The following C16orf96 variants were observed in gnomAD, a reference collection of about 807,000 sequenced individuals.
The protein encoded by C16orf96 is chromosome 16 open reading frame 96.
C16orf96 carries 108 observed loss-of-function variants against 103.6 expected under a neutral mutation model. The ratio of observed to expected loss-of-function variants is 1.04; its 90% CI spans 0.89 to 1.22. The LOEUF is 1.22. Among genes scored for constraint, C16orf96 ranks in the 50% most tolerant of loss-of-function variants. The probability of loss-of-function intolerance (pLI) is 0.00; values close to 1 mark genes in which losing one functional copy is unlikely to be tolerated. For missense variants in C16orf96, 1,586 were observed against 1,464.2 expected (o/e 1.08, Z -1.36); for synonymous variants, 566 against 593.5 (o/e 0.95, Z 0.67).
At chr16:4,548,394 G>T in the C16orf96 span, among the ~76,000 whole-genome samples, 3 of 152,190 alleles carry the variant, frequency 2.0e-5, no homozygotes, top group Non-Finnish European at 4.4e-5. Flanking sequence ...TTTTAGTCCA[G>T]ATTTCACCAT....
In C16orf96 at chr16:4,556,599, T is replaced by C; in HGVS notation, c.110T>C (p.Ile37Thr). The C allele has an allele frequency of 6.4e-7, 1 of 1,551,648 alleles. No homozygotes were observed. The highest frequency in any genetic ancestry group is 8.7e-7 in the Non-Finnish European group (1 of 1,146,992). ...CTGCTGCACGGCATCTTGGAGCACA[T>C]CCACATGGCCGAGCTCAAGAAAGTC... The part of the protein sequence containing the change: ...HLLLHGILEH[I>T]HMAELKKVLS... The change falls in exon 1 of 16, where the codon ATC (isoleucine) becomes ACC (threonine). Residue 37 changes from isoleucine to threonine, a missense_variant. Coordinates refer to ENST00000444310, the MANE Select transcript of C16orf96 (RefSeq NM_001145011.2).
the C16orf96 span, among the ~76,000 whole-genome samples, chr16:4,539,310 C>G: frequency 6.6e-6 from 1 of 152,178 alleles, no homozygotes; most frequent in Non-Finnish European, 1.5e-5. Context: ...AGTTAACAGC[C>G]CTTTCCCAAA....
At chr16:4,572,048 T>C (rs1487932158) in intron 2 of C16orf96, among the ~76,000 whole-genome samples, 2 of 151,588 alleles carry the variant, frequency 1.3e-5, no homozygotes, top group Non-Finnish European at 2.9e-5. Flanking sequence ...CAGGGGTTCA[T>C]CTTGTTGGCC....
At chr16:4,587,865 G>C (rs562188570) in intron 8 of C16orf96, among the ~76,000 whole-genome samples, 8 of 152,272 alleles carry the variant, frequency 5.3e-5, no homozygotes, top group African/African-American at 1.9e-4. Context: ...GAGCCCAAGA[G>C]GTGGAGGCTG....
intron 1 of C16orf96, among the ~76,000 whole-genome samples, chr16:4,564,025 C>A (rs2059361410): frequency 6.6e-6 from 1 of 150,830 alleles, no homozygotes; most frequent in African/African-American, 2.4e-5. Flanking sequence ...TGGTGAAATC[C>A]CGTCTCTACT....
chr16:4,573,614 T>A (rs1250549515), intron 2 of C16orf96, among the ~76,000 whole-genome samples: 1 of 150,562 alleles, frequency 6.6e-6, no homozygotes, highest in African/African-American at 2.4e-5. Flanking sequence ...TAGCTGGATG[T>A]GGTGGCAGGT....
chr16:4,587,113 G>A lies in C16orf96; in HGVS notation c.2427G>A (p.Glu809=). The part of the protein sequence containing the change: ...NKSTMEEELR[E]KADRSALAGK... The stretch of plus-strand genomic sequence containing the variant: ...GCACGATGGAGGAGGAGCTGAGAGA[G>A]GTGAGTGAGCAGAGGTTCCTCTGCC... The change falls in exon 8 of 16, where the codon GAG becomes GAA. Residue 809 remains glutamate (E), a splice_region_variant and synonymous_variant. Transcript: ENST00000444310. 6.4e-7 allele frequency: 1 copy of A among 1,551,400 alleles called. No homozygotes were observed. Among genetic ancestry groups the A allele is most frequent in the South Asian group, 1.2e-5 (1 of 84,048 alleles).
intron 1 of C16orf96, among the ~76,000 whole-genome samples, chr16:4,570,174 C>T (rs929353176): frequency 6.6e-6 from 1 of 152,106 alleles, no homozygotes; most frequent in African/African-American, 2.4e-5. Context: ...GTCTGGAACT[C>T]CTGAGCTCAA....
chr16:4,540,136 G>T, the C16orf96 span, among the ~76,000 whole-genome samples: 5 of 152,206 alleles, frequency 3.3e-5, no homozygotes, highest in East Asian at 5.8e-4. Context: ...AACCCACTGG[G>T]TGGCTACTTG....
At chr16:4,544,167 A>T in the C16orf96 span, among the ~76,000 whole-genome samples, 11,543 of 152,196 alleles carry the variant, frequency 0.076, 894 homozygotes, top group African/African-American at 0.19. Context: ...GAACATTACC[A>T]TGCTATGTAC....
At chr16:4,561,300 T>TC (rs1466869497) in intron 1 of C16orf96, 2 of 151,886 alleles carry the variant, frequency 1.3e-5, no homozygotes, top group African/African-American at 4.8e-5. Flanking sequence ...AAAGCGAAAC[T>TC]CCATCTCAAA....
chr16:4,570,652 G>T (rs1567442804), intron 1 of C16orf96, among the ~76,000 whole-genome samples: 1 of 151,936 alleles, frequency 6.6e-6, no homozygotes, highest in Non-Finnish European at 1.5e-5. Flanking sequence ...ATTTTTAGTA[G>T]AAACAGGGTT....
intron 7 of C16orf96, among the ~76,000 whole-genome samples, chr16:4,581,158 A>ATATG (rs1224836921): frequency 9.6e-6 from 1 of 104,158 alleles, no homozygotes; most frequent in African/African-American, 4.6e-5. Context: ...ATATATATAT[A>ATATG]TATATATATA....
chr16:4,587,229 G>T, intron 8 of C16orf96, 116 bp downstream of exon 8: 2 of 1,016,882 alleles, frequency 2.0e-6, no homozygotes, highest in South Asian at 2.9e-5. Context: ...TGTTCATATT[G>T]AAACCAGGAG....
rs1169070340 is a variant in C16orf96, at chr16:4,588,215, G to A, written c.2476G>A (p.Glu826Lys). The A allele has an allele frequency of 2.6e-5, 40 of 1,551,572 alleles. No individual in the cohort carries two copies. The highest frequency in any genetic ancestry group is 3.5e-5 in the Non-Finnish European group (40 of 1,147,000). ...LAGKASRVDL[E>K]TVALELNEMI... is the part of the protein sequence containing the mutation. ...AGGCAAGGCAAGCCGCGTTGACCTG[G>A]AGACTGTGGCCTTGGAGCTGAACGA... is the stretch of plus-strand genomic sequence containing the variant. The change falls in exon 9 of 16, where the codon GAG becomes AAG. Residue 826 changes from glutamate to lysine, a missense_variant. Physicochemically the swap from Glu to Lys is moderately conservative, Grantham distance 56. Coordinates refer to ENST00000444310, the MANE Select transcript of C16orf96 (RefSeq NM_001145011.2).
Position 4,600,411 on chromosome 16 carries a change from A to T in C16orf96, c.*94A>T, listed in dbSNP as rs1314740525. On this transcript the variant is annotated 3_prime_UTR_variant, in exon 16 of 16. Coordinates refer to ENST00000444310, the MANE Select transcript of C16orf96 (RefSeq NM_001145011.2). ...CCCACTCCCACCAAGTCCCCTCCAC[A>T]TCGGAGGCTGAGGCCTATGTGGCCC... 676 of 790,296 alleles carry T rather than the reference A, an allele frequency of 8.6e-4. 1 individual carries two copies. The highest frequency in any genetic ancestry group is 1.1e-3 in the Non-Finnish European group (600 of 523,764). 49.0% of individuals were successfully genotyped at this position (790,296 alleles called of 1,614,324 possible). A position where few individuals can be genotyped will look rare whatever the true frequency, so the allele number is the denominator to read the frequency against.
intron 14 of C16orf96, among the ~76,000 whole-genome samples, chr16:4,595,552 C>G (rs1897152734): frequency 6.6e-6 from 1 of 152,208 alleles, no homozygotes; most frequent in African/African-American, 2.4e-5. Context: ...CTGCACACCC[C>G]TTGAAGGCTC....
the C16orf96 span, among the ~76,000 whole-genome samples, chr16:4,551,002 G>A: frequency 2.0e-5 from 3 of 152,218 alleles, no homozygotes; most frequent in Admixed American, 6.5e-5. Context: ...GTCGGGCGCG[G>A]TGGCTCACGC....
chr16:4,552,437 G>A (rs955274672), upstream of C16orf96, among the ~76,000 whole-genome samples: 25 of 147,344 alleles, frequency 1.7e-4, 1 homozygote, highest in Admixed American at 4.8e-4. Flanking sequence ...AGCCGAGATC[G>A]CGCCATTGCA....
Sources: gnomAD v4.1 joint callset for allele counts (sites outside exome capture counted in the v4.1 genomes callset) on GRCh38, gnomAD v4.1.1 for gene constraint, MANE v1.5 for transcripts, NCBI Gene and HGNC (gene_info 2026-07-23, HGNC 2026-07-21) for gene names.